ABI1: variants seen among roughly 807,000 people sequenced by gnomAD.
The protein encoded by ABI1 is abl interactor 1.
A neutral mutation model predicts 54.6 loss-of-function variants in ABI1; 14 were observed. The observed-to-expected ratio is 0.26, with a 90% CI of 0.17 to 0.40. The LOEUF (loss-of-function observed/expected upper bound fraction) is 0.40. Ranked by LOEUF, ABI1 falls within the 10% of genes least tolerant of loss-of-function variation. The pLI, the probability that ABI1 is intolerant of heterozygous loss-of-function variation, is 1.00. For missense variants in ABI1, 443 were observed against 598.3 expected (o/e 0.74, Z 2.71); for synonymous variants, 194 against 209.3 (o/e 0.93, Z 0.63).
intron 8 of ABI1, 27 bp downstream of exon 8, chr10:26,759,035 C>T: frequency 1.2e-6 from 2 of 1,603,040 alleles, no homozygotes; most frequent in Non-Finnish European, 1.7e-6. Context: ...TCCACTGTTG[C>T]TGTATGCCTG....
In ABI1 at chr10:26,780,834, C is replaced by T. The variant is rs562027689; in HGVS notation, c.286-3593G>A. 2.6e-5 allele frequency among the ~76,000 whole-genome samples: 4 copies of T among 152,294 alleles called. No individual in the cohort carries two copies. In the South Asian group the frequency reaches 8.3e-4, roughly 32 times the overall value. ...TGTGGAAGAATAAGTTACCAGCTTC[C>T]AACTGCTGAGGTCTGGGTAGGGTTC... On this transcript the variant is annotated intron_variant, in intron 2 of 10. Transcript: ENST00000376140.
At chr10:26,814,836 T>C (rs1390532854) in intron 2 of ABI1, among the ~76,000 whole-genome samples, 1 of 152,148 alleles carries the variant, frequency 6.6e-6, no homozygotes, top group Non-Finnish European at 1.5e-5. Flanking sequence ...AAAGGGACTC[T>C]TTCCTGAAAT....
intron 2 of ABI1, among the ~76,000 whole-genome samples, chr10:26,780,121 C>T (rs774698319): frequency 2.6e-5 from 4 of 152,092 alleles, no homozygotes; most frequent in African/African-American, 4.8e-5. Context: ...AGATCAAGCC[C>T]GTCAGCCAAA....
At chr10:26,856,825 T>C (rs2050856660) in intron 1 of ABI1, among the ~76,000 whole-genome samples, 1 of 152,180 alleles carries the variant, frequency 6.6e-6, no homozygotes, top group Admixed American at 6.5e-5. Context: ...TTTCTACTCC[T>C]TTTCACTCGG....
chr10:26,789,193 G>C (rs1843109604), intron 2 of ABI1: 1 of 152,198 alleles, frequency 6.6e-6, no homozygotes, highest in African/African-American at 2.4e-5. Context: ...GTGGATCTTA[G>C]AGGTAGGGGT....
chr10:26,806,676 ATAGT>A (rs1291729376), intron 2 of ABI1, among the ~76,000 whole-genome samples: 1 of 152,218 alleles, frequency 6.6e-6, no homozygotes, highest in African/African-American at 2.4e-5. Flanking sequence ...TATATTTAAG[ATAGT>A]TAGAATGGTT....
In ABI1 at chr10:26,838,584, G is replaced by C. The variant is rs1162989403; in HGVS notation, c.118-15279C>G. On this transcript the variant is annotated intron_variant, in intron 1 of 10. Coordinates refer to ENST00000376140, the MANE Select transcript of ABI1 (RefSeq NM_001012750.3). Reference sequence around the variant, plus strand: ...TGGATTTCATTGTAAGTCTAGTGGGGAAACACTAAAGAATTTTTAGGAAGA... The same window carrying C: ...TGGATTTCATTGTAAGTCTAGTGGGCAAACACTAAAGAATTTTTAGGAAGA... Among the ~76,000 whole-genome samples, 5 of 152,110 alleles carry C rather than the reference G, an allele frequency of 3.3e-5. No individual in the cohort carries two copies. In the South Asian group the frequency reaches 8.3e-4, roughly 25 times the overall value.
At chr10:26,751,825 TA>T (rs1243119093) in intron 9 of ABI1, 42 bp from the exon 10 acceptor site, 2 of 1,529,180 alleles carry the variant, frequency 1.3e-6, no homozygotes, top group Admixed American at 4.1e-5. Context: ...AAAATAAGTC[TA>T]GATGGAAACT....
intron 2 of ABI1, among the ~76,000 whole-genome samples, chr10:26,815,817 G>A (rs755572862): frequency 4.6e-5 from 7 of 152,144 alleles, no homozygotes; most frequent in Non-Finnish European, 8.8e-5. Context: ...AGGCTGAGGC[G>A]GGAGGATCAT....
rs768421594 is a variant in ABI1 at position 26,768,844 on chromosome 10, A to C, written c.719+8T>G. 5.0e-6 allele frequency: 8 copies of C among 1,608,690 alleles called. No homozygotes were observed. The highest frequency in any genetic ancestry group is 6.8e-6 in the Non-Finnish European group (8 of 1,177,514). On this transcript the variant is annotated splice_region_variant and intron_variant, in intron 6 of 10. Coordinates refer to ENST00000376140, the MANE Select transcript of ABI1 (RefSeq NM_001012750.3). ...AGAGATGTTGAGATACTCAACCTAA[A>C]GGCTTACCTGTGTGTCCTTGGTCTC...
chr10:26,837,414 T>C (rs370395975), intron 1 of ABI1, among the ~76,000 whole-genome samples: 19 of 148,194 alleles, frequency 1.3e-4, no homozygotes, highest in African/African-American at 4.8e-4. Context: ...TTCACCTCCT[T>C]AAAGGCCCTA....
chr10:26,833,501 A>C lies in ABI1; in HGVS notation c.118-10196T>G, dbSNP rs529342596. 3.9e-5 allele frequency among the ~76,000 whole-genome samples: 6 copies of C among 152,264 alleles called. No individual in the cohort carries two copies. In the East Asian group the frequency reaches 1.2e-3, roughly 29 times the overall value. The stretch of plus-strand genomic sequence containing the variant: ...AACAGTCTTAATGCAAAACCTGAAA[A>C]ACCCCAGCTCTAGAAAGAACTACAT... On this transcript the variant is annotated intron_variant, in intron 1 of 10. Transcript: ENST00000376140.
intron 3 of ABI1, among the ~76,000 whole-genome samples, chr10:26,773,934 A>G (rs1187187113): frequency 6.6e-6 from 1 of 152,214 alleles, no homozygotes; most frequent in Non-Finnish European, 1.5e-5. Flanking sequence ...AAGACCAATA[A>G]TAAAATCTAA....
At chr10:26,850,333 G>C (rs1471195612) in intron 1 of ABI1, among the ~76,000 whole-genome samples, 1 of 152,074 alleles carries the variant, frequency 6.6e-6, no homozygotes, top group Non-Finnish European at 1.5e-5. Context: ...TTTAGTTTTA[G>C]TACAGTAAAT....
intron 3 of ABI1, among the ~76,000 whole-genome samples, chr10:26,774,900 TG>T (rs1841191685): frequency 6.6e-6 from 1 of 151,998 alleles, no homozygotes; most frequent in Admixed American, 6.5e-5. Flanking sequence ...AACAGCAATA[TG>T]AGTAAATATT....
chr10:26,769,997 CA>C (rs1840470539), intron 5 of ABI1, among the ~76,000 whole-genome samples: 1 of 151,914 alleles, frequency 6.6e-6, no homozygotes, highest in African/African-American at 2.4e-5. Flanking sequence ...AATTAGATGA[CA>C]AAAAAATAAA....
intron 2 of ABI1, among the ~76,000 whole-genome samples, chr10:26,819,973 T>TA (rs1341594858): frequency 1.3e-5 from 2 of 152,092 alleles, no homozygotes; most frequent in African/African-American, 2.4e-5. Context: ...ATGTGGAATC[T>TA]AAAAAAATCA....
chr10:26,793,232 T>G (rs1843701646), intron 2 of ABI1, among the ~76,000 whole-genome samples: 1 of 152,220 alleles, frequency 6.6e-6, no homozygotes, highest in African/African-American at 2.4e-5. Flanking sequence ...TGAGACAAGC[T>G]GCACAGAGGA....
Position 26,855,868 on chromosome 10 carries a change from G to A in ABI1, c.117+4879C>T, listed in dbSNP as rs77353272. ...CACCTGTAATCTCAACTACTCGGGA[G>A]GCTGGGGTAGGAAAATCACTTGAAC... On this transcript the variant is annotated intron_variant, in intron 1 of 10. Transcript: ENST00000376140. Among the ~76,000 whole-genome samples, 832 of 151,940 alleles carry A rather than the reference G, an allele frequency of 5.5e-3. 7 individuals carry two copies. The highest frequency in any genetic ancestry group is 0.019 in the African/African-American group (796 of 41,362).
Sources: gnomAD v4.1 joint callset for allele counts (sites outside exome capture counted in the v4.1 genomes callset) on GRCh38, gnomAD v4.1.1 for gene constraint, MANE v1.5 for transcripts, NCBI Gene and HGNC (gene_info 2026-07-23, HGNC 2026-07-21) for gene names.